SMYD3: variants seen among roughly 807,000 people sequenced by gnomAD.
The protein encoded by SMYD3 is histone-lysine N-methyltransferase SMYD3.
A neutral mutation model predicts 57.7 loss-of-function variants in SMYD3; 36 were observed. That is an observed-to-expected ratio of 0.62 (90% CI 0.48 to 0.82). The LOEUF (loss-of-function observed/expected upper bound fraction) is 0.82. SMYD3 is among the 40% of genes least tolerant of loss of function. The pLI is 0.00. For synonymous variants in SMYD3, 211 were observed against 195.0 expected, an observed-to-expected ratio of 1.08 and a Z score of -0.68; for missense variants, 515 against 538.8, an observed-to-expected ratio of 0.96 and a Z score of 0.44.
intron 8 of SMYD3, among the ~76,000 whole-genome samples, chr1:245,902,014 C>T (rs945357078): frequency 6.6e-6 from 1 of 152,150 alleles, no homozygotes; most frequent in Admixed American, 6.5e-5. Context: ...ACCCAAGGTG[C>T]TGTGGCATGG....
intron 8 of SMYD3, among the ~76,000 whole-genome samples, chr1:245,887,624 A>G (rs1015036884): frequency 1.3e-5 from 2 of 152,166 alleles, no homozygotes; most frequent in African/African-American, 4.8e-5. Context: ...TCTCAGGTCA[A>G]TGTCTCCTGT....
At chr1:245,968,544 C>T (rs757655609) in intron 5 of SMYD3, among the ~76,000 whole-genome samples, 5 of 152,150 alleles carry the variant, frequency 3.3e-5, no homozygotes, top group South Asian at 2.1e-4. Flanking sequence ...ATTCAGTGTA[C>T]GAGTAACAAT....
intron 5 of SMYD3, among the ~76,000 whole-genome samples, chr1:246,295,982 A>G (rs1433285799): frequency 2.0e-5 from 3 of 152,216 alleles, no homozygotes; most frequent in African/African-American, 7.2e-5. Context: ...TGTTGTATGT[A>G]TGCATGTATG....
intron 5 of SMYD3, among the ~76,000 whole-genome samples, chr1:246,220,589 AGC>A (rs1434435946): frequency 6.6e-6 from 1 of 152,084 alleles, no homozygotes; most frequent in Non-Finnish European, 1.5e-5. Flanking sequence ...CCGACCTGGG[AGC>A]AAAGTCAGGG....
chr1:245,750,589 G>A (rs542518517), intron 11 of SMYD3, among the ~76,000 whole-genome samples: 3 of 152,272 alleles, frequency 2.0e-5, no homozygotes, highest in Non-Finnish European at 2.9e-5. Flanking sequence ...CAGCATTTGT[G>A]CAATAATTTT....
intron 1 of SMYD3, among the ~76,000 whole-genome samples, chr1:246,373,001 C>T (rs577627463): frequency 2.6e-5 from 4 of 152,072 alleles, no homozygotes; most frequent in African/African-American, 9.6e-5. Context: ...TAAATGTATC[C>T]ACCCCTAAAG....
intron 8 of SMYD3, among the ~76,000 whole-genome samples, chr1:245,907,585 G>A (rs1053739523): frequency 6.6e-6 from 1 of 152,112 alleles, no homozygotes; most frequent in African/African-American, 2.4e-5. Context: ...GGAATCAAAT[G>A]TTATCACTAC....
rs369423910 is a variant in SMYD3, at chr1:246,307,089, C to T, written c.531+20112G>A. 3.4e-4 allele frequency among the ~76,000 whole-genome samples: 52 copies of T among 152,320 alleles called. No homozygotes were observed. In the South Asian group the frequency reaches 0.01, roughly 30 times the overall value. Reference sequence around the variant, plus strand: ...CAGGAGAAGCCTAATCACTCAGCTTCTACTCTGGAGTATAAAATAGTTTTC... The same window carrying T: ...CAGGAGAAGCCTAATCACTCAGCTTTTACTCTGGAGTATAAAATAGTTTTC... On this transcript the variant is annotated intron_variant, in intron 5 of 11. Coordinates refer to ENST00000490107, the MANE Select transcript of SMYD3 (RefSeq NM_001167740.2).
chr1:245,834,554 T>G (rs1359883654), intron 10 of SMYD3, among the ~76,000 whole-genome samples: 5 of 152,198 alleles, frequency 3.3e-5, no homozygotes, highest in African/African-American at 1.2e-4. Context: ...TACTACATCT[T>G]AACGTCCTCT....
At chr1:246,178,151 G>A (rs1427859449) in intron 5 of SMYD3, among the ~76,000 whole-genome samples, 3 of 152,186 alleles carry the variant, frequency 2.0e-5, no homozygotes, top group African/African-American at 7.2e-5. Flanking sequence ...GGAGGAGGGA[G>A]CTTTCCCATA....
At chr1:246,454,706 G>A (rs1475747477) in intron 1 of SMYD3, among the ~76,000 whole-genome samples, 1 of 152,140 alleles carries the variant, frequency 6.6e-6, no homozygotes, top group African/African-American at 2.4e-5. Flanking sequence ...AGTAACCAGA[G>A]TTAATTTAAC....
At chr1:245,886,394 G>A (rs567207631) in intron 8 of SMYD3, among the ~76,000 whole-genome samples, 1 of 152,254 alleles carries the variant, frequency 6.6e-6, no homozygotes, top group South Asian at 2.1e-4. Flanking sequence ...CAGAAGATAT[G>A]CTGATGGCTG....
chr1:246,222,411 G>C (rs2148425301), intron 5 of SMYD3, among the ~76,000 whole-genome samples: 1 of 152,220 alleles, frequency 6.6e-6, no homozygotes, highest in East Asian at 1.9e-4. Flanking sequence ...CAGGATTTGA[G>C]CCGATCTGTG....
chr1:245,839,417 C>G (rs1345376909), intron 10 of SMYD3, among the ~76,000 whole-genome samples: 1 of 152,094 alleles, frequency 6.6e-6, no homozygotes. Flanking sequence ...GATCCGCCCA[C>G]CTCGGCCTCC....
At chr1:246,010,839 A>G (rs961311839) in intron 5 of SMYD3, among the ~76,000 whole-genome samples, 5 of 152,216 alleles carry the variant, frequency 3.3e-5, no homozygotes, top group Non-Finnish European at 7.4e-5. Context: ...TATCAAAAAC[A>G]TTAAGCTAAA....
At chr1:246,293,423 T>G (rs1464049215) in intron 5 of SMYD3, among the ~76,000 whole-genome samples, 1 of 152,168 alleles carries the variant, frequency 6.6e-6, no homozygotes, top group Non-Finnish European at 1.5e-5. Flanking sequence ...AAACTGTAAC[T>G]TATTTTAAGC....
At chr1:246,345,753 T>A (rs577244144) in intron 2 of SMYD3, among the ~76,000 whole-genome samples, 2 of 152,282 alleles carry the variant, frequency 1.3e-5, no homozygotes, top group Admixed American at 1.3e-4. Context: ...GAGCATGCCT[T>A]TGATAGGCAA....
At chr1:246,222,162 G>C (rs12135212) in intron 5 of SMYD3, among the ~76,000 whole-genome samples, 23,255 of 152,138 alleles carry the variant, frequency 0.15, 2,371 homozygotes, top group East Asian at 0.34. Context: ...GTTGTATTCA[G>C]AAATCCTGTA....
intron 5 of SMYD3, among the ~76,000 whole-genome samples, chr1:246,124,050 G>A (rs1367333792): frequency 2.0e-5 from 3 of 152,056 alleles, no homozygotes; most frequent in African/African-American, 4.8e-5. Context: ...TGTTGTCTTC[G>A]TATTTACCTC....
Sources: gnomAD v4.1 joint callset for allele counts (sites outside exome capture counted in the v4.1 genomes callset) on GRCh38, gnomAD v4.1.1 for gene constraint, MANE v1.5 for transcripts, NCBI Gene and HGNC (gene_info 2026-07-23, HGNC 2026-07-21) for gene names.